DPY19L2: variants seen among roughly 807,000 people sequenced by gnomAD.
DPY19L2 encodes the protein dpy-19 like 2.
DPY19L2 carries 34 observed loss-of-function variants against 97.9 expected under a neutral mutation model. The observed-to-expected ratio is 0.35, with a 90% CI of 0.26 to 0.46. The LOEUF (loss-of-function observed/expected upper bound fraction) is 0.46, where lower values mean the gene tolerates loss of function less well. Ranked by LOEUF, DPY19L2 falls within the 20% of genes least tolerant of loss-of-function variation. DPY19L2 has a pLI of 1.00. For synonymous variants in DPY19L2, 230 were observed against 307.9 expected (o/e 0.75, Z 2.65); for missense variants, 623 against 911.4 (o/e 0.68, Z 4.07).
At chr12:63,623,769 A>G (rs1433236014) in intron 8 of DPY19L2, 7 of 313,210 alleles carry the variant, frequency 2.2e-5, no homozygotes, top group Admixed American at 4.0e-5. Flanking sequence ...CAGTGGCACA[A>G]TCTCGGCTCA....
Position 63,600,240 on chromosome 12 carries a change from G to T in DPY19L2, c.1359+66C>A, listed in dbSNP as rs528518678. ...TAAAATGAAGAGATAAGAATAGATGGTTTCAAAGTTTTCATTCAGCTACAT... is the reference window on the plus strand; with the variant it reads ...TAAAATGAAGAGATAAGAATAGATGTTTTCAAAGTTTTCATTCAGCTACAT... On this transcript the variant is annotated intron_variant, in intron 13 of 21. Coordinates refer to ENST00000324472, the MANE Select transcript of DPY19L2 (RefSeq NM_173812.5). 2.1e-5 allele frequency: 28 copies of T among 1,334,024 alleles called. No individual in the cohort carries two copies. The East Asian group carries it at 5.1e-4, about 24-fold the overall frequency. 82.6% of individuals were successfully genotyped at this position (1,334,024 alleles called of 1,614,324 possible).
chr12:63,602,593 C>T (rs192308534), intron 12 of DPY19L2, among the ~76,000 whole-genome samples: 1 of 152,212 alleles, frequency 6.6e-6, no homozygotes, highest in East Asian at 1.9e-4. Flanking sequence ...GGTAAACTAA[C>T]TCAAGGCATC....
intron 20 of DPY19L2, among the ~76,000 whole-genome samples, chr12:63,569,828 G>A (rs2971473): frequency 6.6e-6 from 1 of 152,134 alleles, no homozygotes; most frequent in African/African-American, 2.4e-5. Context: ...AAGCACCTTC[G>A]CAGAATCTTG....
At position 63,644,392 on chromosome 12, in the gene DPY19L2, A is replaced by G. The variant is rs1208944097; in HGVS notation, c.803+11T>C. ...CCACTGAAAGGTCTCTTAATTCAGT[A>G]GTAGTCTTACCTCAGGTATGCTCCA... On this transcript the variant is annotated intron_variant, in intron 6 of 21. Coordinates refer to ENST00000324472, the MANE Select transcript of DPY19L2 (RefSeq NM_173812.5). The G allele has an allele frequency of 1.2e-5, 20 of 1,601,898 alleles. No individual in the cohort carries two copies. The highest frequency in any genetic ancestry group is 1.7e-5 in the Non-Finnish European group (20 of 1,176,484).
intron 21 of DPY19L2, among the ~76,000 whole-genome samples, chr12:63,566,572 CTTCA>C (rs1256476868): frequency 4.6e-5 from 7 of 151,538 alleles, no homozygotes; most frequent in African/African-American, 1.5e-4. Flanking sequence ...ATTGTCTTTT[CTTCA>C]TTCAAACAAT....
chr12:63,618,883 A>G (rs2137774690), intron 9 of DPY19L2, among the ~76,000 whole-genome samples: 1 of 152,320 alleles, frequency 6.6e-6, no homozygotes, highest in Non-Finnish European at 1.5e-5. Flanking sequence ...TAGATCCACA[A>G]AAGATTTAGA....
chr12:63,650,056 C>G (rs1410142305), intron 4 of DPY19L2, among the ~76,000 whole-genome samples: 1 of 151,938 alleles, frequency 6.6e-6, no homozygotes, highest in Non-Finnish European at 1.5e-5. Context: ...CATAAAAGAA[C>G]TAAAAAAAAC....
intron 6 of DPY19L2, among the ~76,000 whole-genome samples, chr12:63,629,016 G>A (rs2137901217): frequency 6.6e-6 from 1 of 152,172 alleles, no homozygotes; most frequent in Non-Finnish European, 1.5e-5. Context: ...CTGACTGTTA[G>A]AAGGAAAACT....
intron 12 of DPY19L2, among the ~76,000 whole-genome samples, chr12:63,604,482 A>G (rs1047974562): frequency 6.6e-6 from 1 of 151,982 alleles, no homozygotes; most frequent in Non-Finnish European, 1.5e-5. Flanking sequence ...GATGATACAA[A>G]TATTAGATCT....
chr12:63,663,266 A>C (rs986993149), intron 3 of DPY19L2, among the ~76,000 whole-genome samples: 8 of 152,150 alleles, frequency 5.3e-5, no homozygotes, highest in African/African-American at 1.9e-4. Context: ...ATTATGTGAG[A>C]TATGTACAGC....
In DPY19L2 at chr12:63,587,153, A is replaced by G. The variant is rs560220418; in HGVS notation, c.1581-3317T>C. Among the ~76,000 whole-genome samples, 5 of 152,258 alleles carry G rather than the reference A, an allele frequency of 3.3e-5. No individual in the cohort carries two copies. The East Asian group carries it at 9.6e-4, about 29-fold the overall frequency. ...TGGCAATATTAATTTTATACAAAGA[A>G]AAATTTACAGCAAAAAACCACTAAG... On this transcript the variant is annotated intron_variant, in intron 16 of 21. Coordinates refer to ENST00000324472, the MANE Select transcript of DPY19L2 (RefSeq NM_173812.5).
chr12:63,626,146 C>A (rs1238653001), intron 7 of DPY19L2, among the ~76,000 whole-genome samples: 1 of 151,276 alleles, frequency 6.6e-6, no homozygotes, highest in Non-Finnish European at 1.5e-5. Flanking sequence ...GCTACCACCA[C>A]CCACAAAAAA....
At chr12:63,570,392 G>A (rs546180443) in intron 20 of DPY19L2, among the ~76,000 whole-genome samples, 55 of 152,224 alleles carry the variant, frequency 3.6e-4, no homozygotes, top group African/African-American at 1.3e-3. Flanking sequence ...GGCTTGTGGT[G>A]TAGAGCAGGG....
intron 21 of DPY19L2, among the ~76,000 whole-genome samples, chr12:63,562,951 A>T (rs893302783): frequency 4.1e-4 from 62 of 151,958 alleles, no homozygotes; most frequent in African/African-American, 1.5e-3. Context: ...GCCCACCATC[A>T]CACCTGGCTA....
At chr12:63,587,343 A>G (rs1231337732) in intron 16 of DPY19L2, among the ~76,000 whole-genome samples, 3 of 151,884 alleles carry the variant, frequency 2.0e-5, no homozygotes, top group Admixed American at 2.0e-4. Flanking sequence ...AAAACAGATA[A>G]AGTAGAAAAA....
intron 8 of DPY19L2, among the ~76,000 whole-genome samples, chr12:63,623,202 A>G (rs1371767939): frequency 6.6e-6 from 1 of 151,584 alleles, no homozygotes; most frequent in East Asian, 1.9e-4. Flanking sequence ...GACCTCTTAA[A>G]TATCTAAAAT....
chr12:63,639,858 C>A lies in DPY19L2; in HGVS notation c.803+4545G>T, dbSNP rs552134911. 3.0e-3 allele frequency among the ~76,000 whole-genome samples: 455 copies of A among 152,236 alleles called. 10 individuals are homozygous for A. Among genetic ancestry groups the A allele is most frequent in the Admixed American group, 0.024 (372 of 15,288 alleles). Reference sequence around the variant, plus strand: ...CAGCCATCCCATTACTGGGTATATACCCAAAGGATTATAAATCATGCTGCT... The same window carrying A: ...CAGCCATCCCATTACTGGGTATATAACCAAAGGATTATAAATCATGCTGCT... On this transcript the variant is annotated intron_variant, in intron 6 of 21. Coordinates refer to ENST00000324472, the MANE Select transcript of DPY19L2 (RefSeq NM_173812.5).
intron 16 of DPY19L2, among the ~76,000 whole-genome samples, chr12:63,591,977 AGGG>A (rs1883035841): frequency 1.2e-5 from 1 of 85,998 alleles, no homozygotes; most frequent in African/African-American, 5.2e-5. Flanking sequence ...AAAAGAAAAG[AGGG>A]GAAGGGAAGG....
At chr12:63,597,671 A>C (rs1002940148) in intron 14 of DPY19L2, 138 bp downstream of exon 14, 1 of 715,768 alleles carries the variant, frequency 1.4e-6, no homozygotes, top group African/African-American at 1.8e-5. Context: ...CAAGTGAGGA[A>C]TGTAGATTAG....
Sources: gnomAD v4.1 joint callset for allele counts (sites outside exome capture counted in the v4.1 genomes callset) on GRCh38, gnomAD v4.1.1 for gene constraint, MANE v1.5 for transcripts, NCBI Gene and HGNC (gene_info 2026-07-23, HGNC 2026-07-21) for gene names.